PAQR5: variants seen among roughly 807,000 people sequenced by gnomAD.
PAQR5 encodes the protein membrane progestin receptor gamma.
In PAQR5, 20 loss-of-function variants were observed where a neutral mutation model predicts 34.5. That is an observed-to-expected ratio of 0.58 (90% CI 0.41 to 0.84). The LOEUF (loss-of-function observed/expected upper bound fraction) is 0.84. Among genes scored for constraint, PAQR5 ranks in the 40% least tolerant of loss-of-function variants. The pLI is 0.00. For missense variants in PAQR5, 378 were observed against 412.7 expected (o/e 0.92, Z 0.73); for synonymous variants, 131 against 155.6 (o/e 0.84, Z 1.18).
intron 1 of PAQR5, among the ~76,000 whole-genome samples, chr15:69,306,756 G>T (rs1432151963): frequency 6.6e-6 from 1 of 152,018 alleles, no homozygotes; most frequent in African/African-American, 2.4e-5. Flanking sequence ...CATTCACATT[G>T]TTGTGCAACC....
Position 69,326,727 on chromosome 15 carries a change from G to A in PAQR5, c.-276-10614G>A, listed in dbSNP as rs148650508. ...GCTGGGATTACAGGCGTGAGCCACC[G>A]CACCTGGCCTTTTGTTTTCTTAATA... On this transcript the variant is annotated intron_variant, in intron 1 of 8. Coordinates refer to ENST00000395407, the MANE Select transcript of PAQR5 (RefSeq NM_017705.4). 7.0e-3 allele frequency among the ~76,000 whole-genome samples: 1,061 copies of A among 152,096 alleles called. 19 individuals carry two copies. The highest frequency in any genetic ancestry group is 0.022 in the African/African-American group (914 of 41,504).
At position 69,373,694 on chromosome 15, in the gene PAQR5, C is replaced by T. The variant is rs1311195491; in HGVS notation, c.52-6189C>T. Among the ~76,000 whole-genome samples the T allele has an allele frequency of 2.0e-5, 3 of 152,160 alleles. No individual in the cohort carries two copies. In the East Asian group the frequency reaches 5.8e-4, roughly 29 times the overall value. On this transcript the variant is annotated intron_variant, in intron 3 of 8. Transcript: ENST00000395407. ...TCTCGGCTTACTGCAACCTCTGCCT[C>T]CCAGGTTCAAGTGATTCTTCTGCTT... is the stretch of plus-strand genomic sequence containing the variant.
At chr15:69,363,260 G>C (rs1186230303) in intron 3 of PAQR5, among the ~76,000 whole-genome samples, 1 of 152,140 alleles carries the variant, frequency 6.6e-6, no homozygotes, top group African/African-American at 2.4e-5. Flanking sequence ...CATGGAAAAG[G>C]GCAGTTTCTC....
At chr15:69,345,899 T>C (rs2140759871) in intron 2 of PAQR5, among the ~76,000 whole-genome samples, 1 of 152,268 alleles carries the variant, frequency 6.6e-6, no homozygotes, top group Middle Eastern at 3.4e-3. Flanking sequence ...CACCTGTGAA[T>C]AGCCACTGCA....
chr15:69,322,756 A>AAGAAGAAGAAGAGGG (rs2054140220), intron 1 of PAQR5, among the ~76,000 whole-genome samples: 4 of 45,880 alleles, frequency 8.7e-5, no homozygotes, highest in African/African-American at 3.1e-4. Context: ...GAAGAAGAAG[A>AAGAAGAAGAAGAGGG]AGAAGAAGAA....
At chr15:69,356,554 C>A (rs2055082920) in intron 2 of PAQR5, among the ~76,000 whole-genome samples, 1 of 152,052 alleles carries the variant, frequency 6.6e-6, no homozygotes. Flanking sequence ...TACGTTGGTA[C>A]CGTTGTGCAA....
At chr15:69,380,765 C>T (rs2055861930) in intron 4 of PAQR5, among the ~76,000 whole-genome samples, 1 of 152,200 alleles carries the variant, frequency 6.6e-6, no homozygotes, top group Admixed American at 6.5e-5. Flanking sequence ...GCCATTCAAG[C>T]CACTGTCCCA....
intron 4 of PAQR5, among the ~76,000 whole-genome samples, chr15:69,384,474 G>A: frequency 5.1e-5 from 2 of 39,114 alleles, no homozygotes; most frequent in African/African-American, 7.0e-5. Flanking sequence ...AGGGTGAGTG[G>A]GCCCTCCGTG....
chr15:69,402,158 T>G (rs1333960312), intron 8 of PAQR5, among the ~76,000 whole-genome samples: 1 of 152,216 alleles, frequency 6.6e-6, no homozygotes, highest in Non-Finnish European at 1.5e-5. Flanking sequence ...GAAATTTATT[T>G]TCTCACAATT....
intron 1 of PAQR5, among the ~76,000 whole-genome samples, chr15:69,299,300 A>G (rs1018683957): frequency 2.0e-5 from 3 of 152,128 alleles, no homozygotes; most frequent in Non-Finnish European, 2.9e-5. Context: ...GCCGTGCAGA[A>G]GGCTCTCTGC....
At chr15:69,380,537 T>C (rs1180166236) in intron 4 of PAQR5, among the ~76,000 whole-genome samples, 2 of 152,128 alleles carry the variant, frequency 1.3e-5, no homozygotes, top group African/African-American at 4.8e-5. Context: ...GGGAGGCACT[T>C]GGTCAGGCAG....
chr15:69,368,176 C>T (rs2055453462), intron 3 of PAQR5, among the ~76,000 whole-genome samples: 2 of 25,354 alleles, frequency 7.9e-5, no homozygotes, highest in Admixed American at 7.5e-4. Context: ...GCCTCAGCCT[C>T]CTATATAGCT....
chr15:69,382,332 G>T (rs925045439), intron 4 of PAQR5, among the ~76,000 whole-genome samples: 1 of 152,064 alleles, frequency 6.6e-6, no homozygotes, highest in African/African-American at 2.4e-5. Flanking sequence ...GTGGGAGGGG[G>T]TTAGAAAGAC....
intron 1 of PAQR5, among the ~76,000 whole-genome samples, chr15:69,323,269 G>A (rs1176089509): frequency 2.6e-5 from 4 of 152,202 alleles, no homozygotes; most frequent in Non-Finnish European, 2.9e-5. Flanking sequence ...CTTGATATAG[G>A]TCTACTAGCA....
intron 1 of PAQR5, among the ~76,000 whole-genome samples, chr15:69,318,724 A>G (rs1566995461): frequency 6.6e-6 from 1 of 152,048 alleles, no homozygotes; most frequent in Non-Finnish European, 1.5e-5. Flanking sequence ...AACCTGGTAT[A>G]TACTATGTTT....
At chr15:69,340,533 C>A (rs763712217) in intron 2 of PAQR5, among the ~76,000 whole-genome samples, 2 of 152,050 alleles carry the variant, frequency 1.3e-5, no homozygotes, top group African/African-American at 2.4e-5. Context: ...GGCATTTGAC[C>A]CATGCTGCAA....
rs556506819 is a variant in PAQR5 at position 69,405,235 on chromosome 15, G to A, written c.*1413G>A. Reference sequence around the variant, plus strand: ...AGATCTGCACTTGGTAATGACTTAGGGGGGCTTCCTCACAATGCAGGATCC... The same window carrying A: ...AGATCTGCACTTGGTAATGACTTAGAGGGGCTTCCTCACAATGCAGGATCC... On this transcript the variant is annotated 3_prime_UTR_variant, in exon 9 of 9. Coordinates refer to ENST00000395407, the MANE Select transcript of PAQR5 (RefSeq NM_017705.4). The A allele has an allele frequency of 2.7e-5, 10 of 368,642 alleles. No homozygotes were observed. The highest frequency in any genetic ancestry group is 2.1e-5 in the African/African-American group (1 of 48,072). The allele number at this position is 368,642 out of a possible 1,614,324, so 22.8% of individuals were successfully genotyped here.
chr15:69,382,544 C>T (rs1288212323), intron 4 of PAQR5, among the ~76,000 whole-genome samples: 2 of 150,038 alleles, frequency 1.3e-5, no homozygotes, highest in Admixed American at 1.3e-4. Context: ...ACTTGGGAGG[C>T]TGAGACAGGA....
At chr15:69,400,737 C>T (rs1428639929) in intron 8 of PAQR5, among the ~76,000 whole-genome samples, 1 of 152,068 alleles carries the variant, frequency 6.6e-6, no homozygotes, top group Non-Finnish European at 1.5e-5. Context: ...ATGAAGATGG[C>T]TCTGAGGGTA....
Sources: gnomAD v4.1 joint callset for allele counts (sites outside exome capture counted in the v4.1 genomes callset) on GRCh38, gnomAD v4.1.1 for gene constraint, MANE v1.5 for transcripts, NCBI Gene and HGNC (gene_info 2026-07-23, HGNC 2026-07-21) for gene names.